Variants in ASB13 observed in about 807,000 individuals in gnomAD.
ASB13 encodes ankyrin repeat and SOCS box containing 13.
ASB13 carries 33 observed loss-of-function variants against 28.8 expected under a neutral mutation model. The observed-to-expected ratio is 1.15, with a 90% confidence interval of 0.87 to 1.53. ASB13 has a LOEUF of 1.53. Ranked by LOEUF, ASB13 falls within the 40% of genes most tolerant of loss-of-function variation. ASB13 has a pLI of 0.00. For synonymous variants in ASB13, 182 were observed against 172.9 expected (o/e 1.05, Z -0.41); for missense variants, 414 against 390.1 (o/e 1.06, Z -0.52).
chr10:5,663,588 G>A lies in ASB13; in HGVS notation c.43+2921C>T, dbSNP rs1414225094. Among the ~76,000 whole-genome samples the A allele has an allele frequency of 4.6e-5, 7 of 152,288 alleles. No individual in the cohort carries two copies. The South Asian group carries it at 6.2e-4, about 14-fold the overall frequency. ...GTCTCAGTTAAGGGACCTGAGGGAC[G>A]CTTTTCACCCTAAATCACCTAAGCC... On this transcript the variant is annotated intron_variant, in intron 1 of 5. Coordinates refer to ENST00000357700, the MANE Select transcript of ASB13 (RefSeq NM_024701.4). The surrounding 1 kb of genome is among the most constrained non-coding windows in gnomAD (Gnocchi z 4.9).
Position 5,651,528 on chromosome 10 carries a change from G to T in ASB13, c.232-165C>A. On this transcript the variant is annotated intron_variant, in intron 2 of 5. Coordinates refer to ENST00000357700, the MANE Select transcript of ASB13 (RefSeq NM_024701.4). This position sits in a 1 kb window ranked among gnomAD's most constrained non-coding sequence, Gnocchi z 5.1. ...ACTGAAAGAGATAGCACGTGGCTGCGGAGCACCGACGGCCTCCTGAGTAGA... is the reference window on the plus strand; with the variant it reads ...ACTGAAAGAGATAGCACGTGGCTGCTGAGCACCGACGGCCTCCTGAGTAGA... The T allele has an allele frequency of 2.7e-6, 2 of 733,014 alleles. No individual in the cohort carries two copies. Among genetic ancestry groups the T allele is most frequent in the South Asian group, 1.9e-5 (1 of 51,322 alleles). 45.4% of individuals were successfully genotyped at this position (733,014 alleles called of 1,614,324 possible).
chr10:5,646,011 C>T (rs79642505), intron 4 of ASB13, among the ~76,000 whole-genome samples: 2,661 of 152,300 alleles, frequency 0.017, 80 homozygotes, highest in African/African-American at 0.06. Context: ...AGGATGGGAA[C>T]CAGGAATCCC....
At position 5,657,101 on chromosome 10, in the gene ASB13, A is replaced by C. The variant is rs1194627132; in HGVS notation, c.44-4051T>G. Among the ~76,000 whole-genome samples the C allele has an allele frequency of 3.3e-5, 5 of 152,376 alleles. No individual in the cohort carries two copies. The East Asian group carries it at 9.6e-4, about 29-fold the overall frequency. On this transcript the variant is annotated intron_variant, in intron 1 of 5. Transcript: ENST00000357700. The stretch of plus-strand genomic sequence containing the variant: ...TCTGTATCACCAGTCTACAAAGGAA[A>C]TGCAACTTATTTCTAGTGAATCACA...
chr10:5,664,909 T>C lies in ASB13; in HGVS notation c.43+1600A>G, dbSNP rs1835233017. ...TTTGCTCTTGTCACCCAGGCTGGAG[T>C]GCAATGGCCCAATCTCGGCTTACTG... On this transcript the variant is annotated intron_variant, in intron 1 of 5. Coordinates refer to ENST00000357700, the MANE Select transcript of ASB13 (RefSeq NM_024701.4). The surrounding 1 kb of genome is among the most constrained non-coding windows in gnomAD (Gnocchi z 4.2). Among the ~76,000 whole-genome samples, 1 of 152,082 alleles carries C rather than the reference T, an allele frequency of 6.6e-6. No individual in the cohort carries two copies. The highest frequency in any genetic ancestry group is 2.4e-5 in the African/African-American group (1 of 41,402).
chr10:5,659,162 G>C lies in ASB13; in HGVS notation c.44-6112C>G, dbSNP rs1342108392. On this transcript the variant is annotated intron_variant, in intron 1 of 5. Coordinates refer to ENST00000357700, the MANE Select transcript of ASB13 (RefSeq NM_024701.4). This position sits in a 1 kb window ranked among gnomAD's most constrained non-coding sequence, Gnocchi z 5.8. ...TTCCAGCCCCTGTGCCAGGCTCCCT[G>C]TGGTGGCAAGACGCCCCCCCTCCCC... 2.6e-5 allele frequency among the ~76,000 whole-genome samples: 4 copies of C among 152,188 alleles called. No homozygotes were observed. The highest frequency in any genetic ancestry group is 4.4e-5 in the Non-Finnish European group (3 of 68,014).
At position 5,666,511 on chromosome 10, in the gene ASB13, A is replaced by G; in HGVS notation, c.41T>C (p.Val14Ala). Reference sequence around the variant, plus strand: ...ACCTCCGCGGCGCCCGCACGTACCCACGTCGCCCAGGAAGCAGCCGTCCGC... The same window carrying G: ...ACCTCCGCGGCGCCCGCACGTACCCGCGTCGCCCAGGAAGCAGCCGTCCGC... The part of the protein sequence containing the change: ...RAADGCFLGD[V>A]GFWVERTPVH... Residue 14 changes from valine (V) to alanine (A), a missense_variant and splice_region_variant, in exon 1 of 6, where the codon GTG becomes GCG. By Grantham distance (64) the Val-to-Ala change is moderately conservative. Transcript: ENST00000357700. 2 of 1,287,680 alleles carry G rather than the reference A, an allele frequency of 1.6e-6. No individual in the cohort carries two copies. The highest frequency in any genetic ancestry group is 2.0e-6 in the Non-Finnish European group (2 of 1,012,836). 79.8% of individuals were successfully genotyped at this position (1,287,680 alleles called of 1,614,324 possible). A position where few individuals can be genotyped will look rare whatever the true frequency, so the allele number is the denominator to read the frequency against.
chr10:5,657,531 C>T (rs938767915), intron 1 of ASB13, among the ~76,000 whole-genome samples: 2 of 152,166 alleles, frequency 1.3e-5, no homozygotes, highest in South Asian at 2.1e-4. Context: ...TACGTGTTGG[C>T]GAGAATGTGG....
Position 5,644,473 on chromosome 10 carries a change from A to T in ASB13, c.518-2512T>A, listed in dbSNP as rs1243721497. Among the ~76,000 whole-genome samples the T allele has an allele frequency of 6.8e-6, 1 of 147,902 alleles. No individual in the cohort carries two copies. Among genetic ancestry groups the T allele is most frequent in the Non-Finnish European group, 1.5e-5 (1 of 66,658 alleles). On this transcript the variant is annotated intron_variant, in intron 4 of 5. Transcript: ENST00000357700. The surrounding 1 kb of genome is among the most constrained non-coding windows in gnomAD (Gnocchi z 5.1). ...ATCGTACCACTGCACTCCAGCCTGG[A>T]TGACAGAGTGAGGCCCATAGTGAGA...
chr10:5,641,945 C>T lies in ASB13; in HGVS notation c.534G>A (p.Ala178=), dbSNP rs773025787. The T allele has an allele frequency of 8.7e-6, 14 of 1,604,470 alleles. No individual in the cohort carries two copies. The highest frequency in any genetic ancestry group is 6.6e-5 in the South Asian group (6 of 90,890). ...GAAGGGCAGTCTCATGAAGCTTTGC[C>T]GCATTCACGTTGGCCCCTGGAGGTC... ...VLLNAGANVN[A]AKLHETALHH... Residue 178 remains alanine, a synonymous_variant, in exon 5 of 6, where the codon GCG becomes GCA. Coordinates refer to ENST00000357700, the MANE Select transcript of ASB13 (RefSeq NM_024701.4). This position sits in a 1 kb window ranked among gnomAD's most constrained non-coding sequence, Gnocchi z 8.4.
At chr10:5,662,827 G>C (rs759928085) in intron 1 of ASB13, among the ~76,000 whole-genome samples, 1 of 152,152 alleles carries the variant, frequency 6.6e-6, no homozygotes, top group Non-Finnish European at 1.5e-5. Flanking sequence ...GACAGTGTAC[G>C]TGACAACCCC....
At position 5,659,239 on chromosome 10, in the gene ASB13, C is replaced by G. The variant is rs991169010; in HGVS notation, c.44-6189G>C. Among the ~76,000 whole-genome samples, 1 of 152,190 alleles carries G rather than the reference C, an allele frequency of 6.6e-6. No individual in the cohort carries two copies. The highest frequency in any genetic ancestry group is 1.5e-5 in the Non-Finnish European group (1 of 68,026). ...AGCACCGCCTTGGAAACCCGAGACTCCATGCCGTGCTGGCGAGTTCCCTCC... is the reference window on the plus strand; with the variant it reads ...AGCACCGCCTTGGAAACCCGAGACTGCATGCCGTGCTGGCGAGTTCCCTCC... On this transcript the variant is annotated intron_variant, in intron 1 of 5. Transcript: ENST00000357700. This position sits in a 1 kb window ranked among gnomAD's most constrained non-coding sequence, Gnocchi z 5.8.
intron 4 of ASB13, among the ~76,000 whole-genome samples, chr10:5,646,900 G>C (rs2131444410): frequency 6.6e-6 from 1 of 152,268 alleles, no homozygotes; most frequent in African/African-American, 2.4e-5. Flanking sequence ...GAACGGCTCG[G>C]CTGGAAACGC....
intron 1 of ASB13, among the ~76,000 whole-genome samples, chr10:5,665,390 C>A (rs1345555236): frequency 2.0e-5 from 3 of 152,156 alleles, no homozygotes; most frequent in African/African-American, 7.2e-5. Context: ...TACCAGTGAA[C>A]CTCAAAAGTT....
intron 4 of ASB13, among the ~76,000 whole-genome samples, chr10:5,647,945 T>C (rs977730406): frequency 2.0e-5 from 3 of 151,958 alleles, no homozygotes; most frequent in Non-Finnish European, 4.4e-5. Flanking sequence ...GATAAATCCA[T>C]AAATACACAC....
chr10:5,640,921 C>T (rs577513619), intron 5 of ASB13, 91 bp from the exon 6 acceptor site: 20 of 1,507,428 alleles, frequency 1.3e-5, no homozygotes, highest in Middle Eastern at 1.7e-4. Flanking sequence ...GAATCGGAAA[C>T]GCCTCCCTTT....
At position 5,652,544 on chromosome 10, in the gene ASB13, C is replaced by T. The variant is rs1835004135; in HGVS notation, c.231+319G>A. On this transcript the variant is annotated intron_variant, in intron 2 of 5. Coordinates refer to ENST00000357700, the MANE Select transcript of ASB13 (RefSeq NM_024701.4). The surrounding 1 kb of genome is among the most constrained non-coding windows in gnomAD (Gnocchi z 5.0). ...TAAAGCCGGAAACCTGCTCTTTGGG[C>T]CCAAGCAGCAGCTCTGCACCCAGGC... is the stretch of plus-strand genomic sequence containing the variant. 6.6e-6 allele frequency among the ~76,000 whole-genome samples: 1 copy of T among 152,222 alleles called. No individual in the cohort carries two copies. The highest frequency in any genetic ancestry group is 1.9e-4 in the East Asian group (1 of 5,192).
chr10:5,647,336 C>G (rs1834900535), intron 4 of ASB13, among the ~76,000 whole-genome samples: 1 of 152,208 alleles, frequency 6.6e-6, no homozygotes, highest in African/African-American at 2.4e-5. Context: ...TTTCCCTCAA[C>G]AAAACATTTA....
rs1325582478 is a variant in ASB13, at chr10:5,648,357, CGGG to C, written c.517+610_517+612del. Among the ~76,000 whole-genome samples the C allele has an allele frequency of 1.5e-4, 15 of 102,764 alleles. 1 individual carries two copies. The highest frequency in any genetic ancestry group is 4.2e-4 in the African/African-American group (14 of 33,668). 67.4% of individuals were successfully genotyped at this position (102,764 alleles called of 152,430 possible). A position where few individuals can be genotyped will look rare whatever the true frequency, so the allele number is the denominator to read the frequency against. ...TAAACACCCACGTGGGCAACACCCA[CGGG>C]GGTAAACACCCATGCAGGCAAACAC... On this transcript the variant is annotated intron_variant, in intron 4 of 5. Coordinates refer to ENST00000357700, the MANE Select transcript of ASB13 (RefSeq NM_024701.4).
At position 5,644,026 on chromosome 10, in the gene ASB13, T is replaced by C. The variant is rs1045831742; in HGVS notation, c.518-2065A>G. On this transcript the variant is annotated intron_variant, in intron 4 of 5. Coordinates refer to ENST00000357700, the MANE Select transcript of ASB13 (RefSeq NM_024701.4). This position sits in a 1 kb window ranked among gnomAD's most constrained non-coding sequence, Gnocchi z 5.1. ...AAAATGTGTGTTTGGCATCATTTGATTGGGTGGAAGGGAAGGAAGGTGAAT... is the reference window on the plus strand; with the variant it reads ...AAAATGTGTGTTTGGCATCATTTGACTGGGTGGAAGGGAAGGAAGGTGAAT... 1.3e-5 allele frequency among the ~76,000 whole-genome samples: 2 copies of C among 152,054 alleles called. No homozygotes were observed. Among genetic ancestry groups the C allele is most frequent in the Admixed American group, 1.3e-4 (2 of 15,254 alleles).
Sources: allele counts gnomAD v4.1 joint callset (sites outside exome capture counted in the v4.1 genomes callset), GRCh38; gene constraint gnomAD v4.1.1; non-coding constraint Gnocchi (gnomAD v3.1); transcripts MANE v1.5; gene names NCBI Gene and HGNC (gene_info 2026-07-23, HGNC 2026-07-21).